COX20: variants seen among roughly 807,000 people sequenced by gnomAD.
COX20 encodes cytochrome c oxidase assembly factor COX20.
A neutral mutation model predicts 14.3 loss-of-function variants in COX20; 14 were observed. That is an observed-to-expected ratio of 0.98 (90% confidence interval 0.65 to 1.53). The LOEUF (loss-of-function observed/expected upper bound fraction) is 1.53, where lower values mean the gene tolerates loss of function less well. COX20 is among the 40% of genes most tolerant of loss of function. The pLI, the probability that COX20 is intolerant of heterozygous loss-of-function variation, is 0.00. For missense variants in COX20, 149 were observed against 142.1 expected, an observed-to-expected ratio of 1.05 and a Z score of -0.25; for synonymous variants, 56 against 51.7, an observed-to-expected ratio of 1.08 and a Z score of -0.36.
intron 1 of COX20, 131 bp from the exon 2 acceptor site, chr1:244,841,813 T>C (rs968170139): frequency 3.5e-5 from 21 of 605,944 alleles, no homozygotes; most frequent in Non-Finnish European, 5.9e-5. Context: ...CTGATTTAGG[T>C]TGTCACGTGG....
intron 1 of COX20, chr1:244,840,279 A>G (rs955236874): frequency 2.0e-5 from 3 of 152,186 alleles, no homozygotes; most frequent in Non-Finnish European, 4.4e-5. Flanking sequence ...GGGACTAGAA[A>G]ATACTTAATT....
intron 1 of COX20, 43 bp downstream of exon 1, chr1:244,835,799 G>T: frequency 8.1e-7 from 1 of 1,234,040 alleles, no homozygotes; most frequent in Non-Finnish European, 1.0e-6. Context: ...GGTGGGCGGT[G>T]GGTAAGGACG....
At chr1:244,836,611 G>T in intron 1 of COX20, 1 of 1,173,704 alleles carries the variant, frequency 8.5e-7, no homozygotes. Flanking sequence ...CAGGTATTCA[G>T]AAAAGAATAA....
chr1:244,839,294 T>A (rs1016236024), intron 1 of COX20, among the ~76,000 whole-genome samples: 6 of 152,036 alleles, frequency 3.9e-5, no homozygotes, highest in African/African-American at 1.4e-4. Flanking sequence ...TGGTGGAAAA[T>A]CAACTGTCTC....
upstream of COX20, chr1:244,835,471 T>A: frequency 8.1e-6 from 3 of 368,236 alleles, no homozygotes; most frequent in East Asian, 4.0e-5. Context: ...CTCCCGCCCC[T>A]GCAGGCTGTG....
chr1:244,836,691 TAG>T (rs1679997461), intron 1 of COX20, among the ~76,000 whole-genome samples: 2 of 152,290 alleles, frequency 1.3e-5, no homozygotes, highest in South Asian at 4.1e-4. Flanking sequence ...CAAATATTTA[TAG>T]AAGACCCACT....
chr1:244,835,375 G>A (rs1405869677), upstream of COX20: 4 of 270,372 alleles, frequency 1.5e-5, no homozygotes, highest in East Asian at 1.2e-4. Flanking sequence ...GCTGGCGCGG[G>A]AAGCGGGGCT....
At position 244,843,888 on chromosome 1, in the gene COX20, ATAT is replaced by A. The variant is rs1267410897; in HGVS notation, c.*717_*719del. 2 of 152,226 alleles carry A rather than the reference ATAT, an allele frequency of 1.3e-5. No individual in the cohort carries two copies. The highest frequency in any genetic ancestry group is 2.4e-5 in the African/African-American group (1 of 41,468). 9.4% of individuals were successfully genotyped at this position (152,226 alleles called of 1,614,324 possible). On this transcript the variant is annotated 3_prime_UTR_variant, in exon 4 of 4. Transcript: ENST00000411948. ...AAGTCAATCAGCTGCTCCCATTAAA[ATAT>A]TATTTAAAATACAATACCCACAGCA...
At chr1:244,837,830 T>G (rs1435336954) in intron 1 of COX20, among the ~76,000 whole-genome samples, 1 of 152,168 alleles carries the variant, frequency 6.6e-6, no homozygotes, top group Non-Finnish European at 1.5e-5. Flanking sequence ...CCTGGACTAG[T>G]GGACAAGAGT....
At chr1:244,842,626 A>C (rs1356441661) in intron 3 of COX20, 1 of 272,272 alleles carries the variant, frequency 3.7e-6, no homozygotes, top group African/African-American at 2.2e-5. Flanking sequence ...GCCAGACCTA[A>C]GAGTATGATA....
At chr1:244,840,784 C>G (rs1487925615) in intron 1 of COX20, 1 of 152,216 alleles carries the variant, frequency 6.6e-6, no homozygotes, top group Non-Finnish European at 1.5e-5. Context: ...TTGCCTTTTA[C>G]TATCCTTTCC....
chr1:244,838,378 A>G (rs1422165571), intron 1 of COX20, among the ~76,000 whole-genome samples: 1 of 152,226 alleles, frequency 6.6e-6, no homozygotes, highest in Non-Finnish European at 1.5e-5. Context: ...ATCTGGAGTC[A>G]TCATATAATG....
chr1:244,839,894 C>G (rs1245519649), intron 1 of COX20: 2 of 152,080 alleles, frequency 1.3e-5, no homozygotes, highest in Non-Finnish European at 2.9e-5. Context: ...CTCTTAAGTC[C>G]CCGAGCCTGT....
At chr1:244,842,976 A>T in intron 3 of COX20, 65 bp from the exon 4 acceptor site, 2 of 1,232,202 alleles carry the variant, frequency 1.6e-6, no homozygotes, top group East Asian at 5.7e-5. Flanking sequence ...GATTTAGAGA[A>T]ATTTCATAAA....
Position 244,835,741 on chromosome 1 carries a change from GC to G in COX20, c.30del (p.Glu11ArgfsTer9). On this transcript the variant is annotated frameshift_variant, in exon 1 of 4. Coordinates refer to ENST00000411948, the MANE Select transcript of COX20 (RefSeq NM_198076.6). LOFTEE classifies it high-confidence loss of function. ...TGGCCGCCCCGCCGGAGCCCGGTGA[GC>G]CCGAGGAGAGGAAGGTAACCTGGGG... MAAPPEPGE[P>X]EERKSLKLLG... is the part of the protein sequence containing the mutation. 7.8e-7 allele frequency: 1 copy of G among 1,274,020 alleles called. No homozygotes were observed. Among genetic ancestry groups the G allele is most frequent in the Non-Finnish European group, 9.9e-7 (1 of 1,006,228 alleles). 78.9% of individuals were successfully genotyped at this position (1,274,020 alleles called of 1,614,324 possible). A position where few individuals can be genotyped will look rare whatever the true frequency, so the allele number is the denominator to read the frequency against.
rs1287419270 is a variant in COX20 at position 244,843,026 on chromosome 1, T to C, written c.222-15T>C. On this transcript the variant is annotated splice_polypyrimidine_tract_variant and intron_variant, in intron 3 of 3. Transcript: ENST00000411948. Reference sequence around the variant, plus strand: ...ACTTTATATTAACAATTTATTCATATTCTTTTCTTCTAAGGTTTCATTGTA... The same window carrying C: ...ACTTTATATTAACAATTTATTCATACTCTTTTCTTCTAAGGTTTCATTGTA... 6.0e-6 allele frequency: 9 copies of C among 1,508,980 alleles called. No individual in the cohort carries two copies. Among genetic ancestry groups the C allele is most frequent in the Non-Finnish European group, 8.0e-6 (9 of 1,124,158 alleles). The allele number at this position is 1,508,980 out of a possible 1,614,324, so 93.5% of individuals were successfully genotyped here.
rs189317137 is a variant in COX20, at chr1:244,842,155, G to A, written c.158-40G>A. ...TTCTAGGTGGAGTAATGTATATAACGTAATTATATTCTAATTAATTGTTAT... is the reference window on the plus strand; with the variant it reads ...TTCTAGGTGGAGTAATGTATATAACATAATTATATTCTAATTAATTGTTAT... On this transcript the variant is annotated intron_variant, in intron 2 of 3. Coordinates refer to ENST00000411948, the MANE Select transcript of COX20 (RefSeq NM_198076.6). 441 of 1,464,722 alleles carry A rather than the reference G, an allele frequency of 3.0e-4. 4 individuals are homozygous for A. The African/African-American group carries it at 5.0e-3, about 17-fold the overall frequency. 90.7% of individuals were successfully genotyped at this position (1,464,722 alleles called of 1,614,324 possible).
In COX20 at chr1:244,843,293, C is replaced by T. The variant is rs1680290204; in HGVS notation, c.*117C>T. On this transcript the variant is annotated 3_prime_UTR_variant, in exon 4 of 4. Transcript: ENST00000411948. ...AGTTTAAGTTGTAGTCATTTTTTTCCCACACTTGTGTGGAATGAAAACTTG... is the reference window on the plus strand; with the variant it reads ...AGTTTAAGTTGTAGTCATTTTTTTCTCACACTTGTGTGGAATGAAAACTTG... 1.6e-6 allele frequency: 2 copies of T among 1,263,130 alleles called. No individual in the cohort carries two copies. Among genetic ancestry groups the T allele is most frequent in the Admixed American group, 2.7e-5 (1 of 36,928 alleles). The allele number at this position is 1,263,130 out of a possible 1,614,324, so 78.2% of individuals were successfully genotyped here.
chr1:244,835,655 C>A (rs1042612791), upstream of COX20: 10 of 1,212,188 alleles, frequency 8.2e-6, no homozygotes, highest in Middle Eastern at 3.2e-4. Flanking sequence ...CGCGGCCAGC[C>A]GGGCTTCTGC....
Sources: gnomAD v4.1 joint callset for allele counts (sites outside exome capture counted in the v4.1 genomes callset) on GRCh38, gnomAD v4.1.1 for gene constraint, MANE v1.5 for transcripts, NCBI Gene and HGNC (gene_info 2026-07-23, HGNC 2026-07-21) for gene names.